The following CHEK2 variants were observed in gnomAD, a reference collection of about 807,000 sequenced individuals.
The protein encoded by CHEK2 is checkpoint kinase 2.
Under a neutral mutation model 69.1 loss-of-function variants are expected in CHEK2, and 71 were observed. That is an observed-to-expected ratio of 1.03 (90% CI 0.85 to 1.25). The LOEUF is 1.25. Ranked by LOEUF, CHEK2 falls within the 50% of genes most tolerant of loss-of-function variation. The pLI is 0.00. For missense variants in CHEK2, 664 were observed against 649.6 expected, an observed-to-expected ratio of 1.02 and a Z score of -0.24; for synonymous variants, 189 against 226.9, an observed-to-expected ratio of 0.83 and a Z score of 1.50.
At chr22:28,715,290 T>A (rs913330526) in intron 5 of CHEK2, among the ~76,000 whole-genome samples, 1 of 152,120 alleles carries the variant, frequency 6.6e-6, no homozygotes, top group Non-Finnish European at 1.5e-5. Context: ...CAGGAGCTCT[T>A]AGACGCAGTC....
intron 4 of CHEK2, among the ~76,000 whole-genome samples, chr22:28,723,273 A>G (rs1251742633): frequency 6.6e-6 from 1 of 152,192 alleles, no homozygotes; most frequent in East Asian, 1.9e-4. Context: ...CCTCTTACAG[A>G]AGCACTCACA....
chr22:28,708,824 G>A (rs2053268752), intron 7 of CHEK2: 2 of 228,478 alleles, frequency 8.8e-6, no homozygotes, highest in South Asian at 4.5e-5. Context: ...TTAGCCGGGC[G>A]TGGTGGTGTG....
At chr22:28,740,255 A>G (rs1192824019) in intron 1 of CHEK2, among the ~76,000 whole-genome samples, 1 of 152,222 alleles carries the variant, frequency 6.6e-6, no homozygotes, top group Non-Finnish European at 1.5e-5. Context: ...CGCTTTTGTT[A>G]TTAGTCCTCA....
chr22:28,738,526 G>C (rs1190348469), intron 1 of CHEK2, among the ~76,000 whole-genome samples: 2 of 152,174 alleles, frequency 1.3e-5, no homozygotes, highest in East Asian at 3.9e-4. Context: ...ATTAAGTGAA[G>C]TGACGCATGT....
chr22:28,721,461 A>G, intron 4 of CHEK2: 1 of 320,782 alleles, frequency 3.1e-6, no homozygotes. Flanking sequence ...TAATTTTTGT[A>G]TTTTTAATAG....
intron 1 of CHEK2, among the ~76,000 whole-genome samples, chr22:28,739,136 G>A (rs1031648446): frequency 6.6e-6 from 1 of 152,024 alleles, no homozygotes; most frequent in Admixed American, 6.6e-5. Flanking sequence ...TGGGCATGGT[G>A]GCCCGTGCCT....
At chr22:28,706,434 T>G (rs1354329894) in intron 7 of CHEK2, among the ~76,000 whole-genome samples, 2 of 152,036 alleles carry the variant, frequency 1.3e-5, no homozygotes, top group Non-Finnish European at 2.9e-5. Context: ...TTTTTGTGTG[T>G]TTTTTGTTTT....
chr22:28,708,360 A>AGTGTGT (rs1569135152), intron 7 of CHEK2, among the ~76,000 whole-genome samples: 2 of 51,626 alleles, frequency 3.9e-5, no homozygotes, highest in Non-Finnish European at 1.2e-4. Context: ...TGTCTCTAAA[A>AGTGTGT]ATATGTGTGT....
chr22:28,699,732 ATTCTC>A (rs1443554120), intron 9 of CHEK2, 101 bp downstream of exon 9: 7 of 857,402 alleles, frequency 8.2e-6, no homozygotes, highest in Non-Finnish European at 1.4e-5. Context: ...AAACACACAG[ATTCTC>A]TTCTGAGTTT....
In CHEK2 at chr22:28,710,472, A is replaced by G. The variant is rs184651332; in HGVS notation, c.793-413T>C. Among the ~76,000 whole-genome samples, 291 of 152,342 alleles carry G rather than the reference A, an allele frequency of 1.9e-3. 1 individual carries two copies. The highest frequency in any genetic ancestry group is 6.8e-3 in the African/African-American group (282 of 41,578). ...ATTAGCTATGGAACTATTTTTATTC[A>G]TTAAAATGATAAACAAAAAACATGA... On this transcript the variant is annotated intron_variant, in intron 6 of 14. Coordinates refer to ENST00000404276, the MANE Select transcript of CHEK2 (RefSeq NM_007194.4).
chr22:28,713,398 C>T lies in CHEK2; in HGVS notation c.684-1381G>A, dbSNP rs182960351. ...TTTTTGAGATGGAGTCTCGCTCAGT[C>T]GCCCAGGCTGGAGTGCAGTGGCGTG... is the stretch of plus-strand genomic sequence containing the variant. On this transcript the variant is annotated intron_variant, in intron 5 of 14. Coordinates refer to ENST00000404276, the MANE Select transcript of CHEK2 (RefSeq NM_007194.4). 3.1e-4 allele frequency among the ~76,000 whole-genome samples: 47 copies of T among 149,832 alleles called. No individual in the cohort carries two copies. In the East Asian group the frequency reaches 8.6e-3, roughly 27 times the overall value.
intron 8 of CHEK2, among the ~76,000 whole-genome samples, chr22:28,702,588 C>A (rs4820791): frequency 3.4e-5 from 5 of 145,334 alleles, no homozygotes; most frequent in South Asian, 2.2e-4. Flanking sequence ...ACTCTGTGGC[C>A]CAGGCTGGAG....
chr22:28,730,471 T>C (rs1192317517), intron 2 of CHEK2: 1 of 698,990 alleles, frequency 1.4e-6, no homozygotes, highest in Non-Finnish European at 2.6e-6. Context: ...ATCCCAGCAC[T>C]TTGGGAGGCT....
intron 13 of CHEK2, among the ~76,000 whole-genome samples, chr22:28,691,305 C>A (rs2052353509): frequency 6.6e-6 from 1 of 152,112 alleles, no homozygotes; most frequent in African/African-American, 2.4e-5. Context: ...CATGGTGAAA[C>A]CCCATCTCTA....
At chr22:28,699,993 A>G (rs1274425611) in intron 8 of CHEK2, 56 bp from the exon 9 acceptor site, 1 of 1,168,636 alleles carries the variant, frequency 8.6e-7, no homozygotes, top group Admixed American at 2.0e-5. Context: ...GCACTTGGAC[A>G]GAAGACAATA....
intron 13 of CHEK2, among the ~76,000 whole-genome samples, chr22:28,692,801 T>C (rs966905602): frequency 6.6e-6 from 1 of 152,204 alleles, no homozygotes; most frequent in African/African-American, 2.4e-5. Context: ...AGGGACCTGT[T>C]GAGAGGTGAT....
chr22:28,732,724 T>A (rs1233532300), intron 2 of CHEK2, among the ~76,000 whole-genome samples: 1 of 152,200 alleles, frequency 6.6e-6, no homozygotes, highest in Non-Finnish European at 1.5e-5. Context: ...GATACATCAG[T>A]CCTTCATTTC....
rs929438183 is a variant in CHEK2 at position 28,716,966 on chromosome 22, C to T, written c.683+2429G>A. On this transcript the variant is annotated intron_variant, in intron 5 of 14. Transcript: ENST00000404276. ...TGTGACAACATAACAGACTGAATGA[C>T]GAAACAAATTACAGAATCTAGCCAT... Among the ~76,000 whole-genome samples the T allele has an allele frequency of 5.3e-5, 8 of 152,040 alleles. No homozygotes were observed. The South Asian group carries it at 6.2e-4, about 12-fold the overall frequency.
chr22:28,692,471 T>TTTTG (rs35397484), intron 13 of CHEK2, among the ~76,000 whole-genome samples: 83,291 of 150,592 alleles, frequency 0.55, 23,644 homozygotes, highest in South Asian at 0.72. Flanking sequence ...ATATGTCTTT[T>TTTTG]TTTGTTTGTT....
Sources: gnomAD v4.1 joint callset for allele counts (sites outside exome capture counted in the v4.1 genomes callset) on GRCh38, gnomAD v4.1.1 for gene constraint, MANE v1.5 for transcripts, NCBI Gene and HGNC (gene_info 2026-07-23, HGNC 2026-07-21) for gene names.